BACE2: variants seen among roughly 807,000 people sequenced by gnomAD.
BACE2 encodes the protein 56 kDa aspartic-like protease.
Under a neutral mutation model 46.2 loss-of-function variants are expected in BACE2, and 17 were observed. The ratio of observed to expected loss-of-function variants is 0.37; its 90% CI spans 0.25 to 0.55. BACE2 has a LOEUF of 0.55. Ranked by LOEUF, BACE2 falls within the 20% of genes least tolerant of loss-of-function variation. The probability of loss-of-function intolerance (pLI) is 0.82; values close to 1 mark genes in which losing one functional copy is unlikely to be tolerated. For synonymous variants in BACE2, 277 were observed against 295.9 expected, an observed-to-expected ratio of 0.94 and a Z score of 0.66; for missense variants, 595 against 698.1, an observed-to-expected ratio of 0.85 and a Z score of 1.66.
chr21:41,213,640 G>A (rs541775238), intron 1 of BACE2, among the ~76,000 whole-genome samples: 1 of 152,120 alleles, frequency 6.6e-6, no homozygotes, highest in African/African-American at 2.4e-5. Context: ...CAGGCTTGGT[G>A]GTGGGTGCCT....
intron 1 of BACE2, chr21:41,225,439 A>G (rs774898062): frequency 6.6e-6 from 1 of 152,180 alleles, no homozygotes. Context: ...TCGTGAAGAG[A>G]AACAAAGGGC....
chr21:41,195,388 A>C (rs940262378), intron 1 of BACE2, among the ~76,000 whole-genome samples: 1 of 152,254 alleles, frequency 6.6e-6, no homozygotes, highest in Non-Finnish European at 1.5e-5. Flanking sequence ...GCAGTGGCTC[A>C]GAAGAACCCA....
intron 7 of BACE2, among the ~76,000 whole-genome samples, chr21:41,251,450 G>T (rs2123618750): frequency 6.6e-6 from 1 of 152,356 alleles, no homozygotes; most frequent in Non-Finnish European, 1.5e-5. Flanking sequence ...AAGACCTGGA[G>T]ACATTTTTGT....
At chr21:41,272,493 G>GT (rs1051197898) in intron 8 of BACE2, among the ~76,000 whole-genome samples, 2 of 149,282 alleles carry the variant, frequency 1.3e-5, no homozygotes, top group African/African-American at 4.9e-5. Context: ...TTTTTTTTCA[G>GT]TTTTTTCTCT....
At chr21:41,216,301 G>A (rs1986464115) in intron 1 of BACE2, among the ~76,000 whole-genome samples, 1 of 152,208 alleles carries the variant, frequency 6.6e-6, no homozygotes, top group Non-Finnish European at 1.5e-5. Flanking sequence ...GCCCTTGCCT[G>A]ACTCTGTGGC....
At chr21:41,234,773 G>T (rs1327450217) in intron 2 of BACE2, among the ~76,000 whole-genome samples, 1 of 152,194 alleles carries the variant, frequency 6.6e-6, no homozygotes, top group East Asian at 1.9e-4. Flanking sequence ...CTAACACTTG[G>T]CATTCCGCCA....
intron 8 of BACE2, among the ~76,000 whole-genome samples, chr21:41,271,722 C>T (rs1193048710): frequency 2.0e-5 from 3 of 152,174 alleles, no homozygotes; most frequent in Non-Finnish European, 4.4e-5. Context: ...TCTACCACTT[C>T]ATATAGTCTA....
Position 41,243,419 on chromosome 21 carries a change from G to T in BACE2, c.791G>T (p.Trp264Leu). 6.2e-7 allele frequency: 1 copy of T among 1,612,194 alleles called. No homozygotes were observed. The highest frequency in any genetic ancestry group is 8.5e-7 in the Non-Finnish European group (1 of 1,179,278). The change falls in exon 5 of 9, where the codon TGG (tryptophan) becomes TTG (leucine). Residue 264 changes from tryptophan (W) to leucine (L), a missense_variant. By Grantham distance (61) the Trp-to-Leu change is moderately conservative. Transcript: ENST00000330333. Reference sequence around the variant, plus strand: ...CCAAGTTTGTATAAAGGAGACATCTGGTATACCCCTATTAAGGAAGAGTGG... The same window carrying T: ...CCAAGTTTGTATAAAGGAGACATCTTGTATACCCCTATTAAGGAAGAGTGG... ...IEPSLYKGDIWYTPIKEEWYY... is the reference protein window; with the variant it reads ...IEPSLYKGDILYTPIKEEWYY...
chr21:41,188,654 A>T (rs1345215100), intron 1 of BACE2, among the ~76,000 whole-genome samples: 1 of 152,208 alleles, frequency 6.6e-6, no homozygotes, highest in Non-Finnish European at 1.5e-5. Context: ...TAAGGGCAGG[A>T]TTGCCTGAGC....
chr21:41,206,786 TAA>T (rs993181939), intron 1 of BACE2, among the ~76,000 whole-genome samples: 4 of 152,252 alleles, frequency 2.6e-5, no homozygotes, highest in African/African-American at 7.2e-5. Flanking sequence ...TGGTAAATTT[TAA>T]GTTATGTGTA....
chr21:41,273,767 A>G (rs1179507558), intron 8 of BACE2, among the ~76,000 whole-genome samples: 1 of 152,258 alleles, frequency 6.6e-6, no homozygotes, highest in Non-Finnish European at 1.5e-5. Flanking sequence ...TGATTGGGGA[A>G]GTGATAAATG....
intron 1 of BACE2, among the ~76,000 whole-genome samples, chr21:41,214,054 C>T (rs966730037): frequency 1.6e-4 from 24 of 152,274 alleles, no homozygotes; most frequent in African/African-American, 5.3e-4. Context: ...GCTCACTCAC[C>T]GTGAGCCAGC....
rs891413407 is a variant in BACE2, at chr21:41,278,093, TAAC to T, written c.*2473_*2475del. ...GGTTTGCTTGGAACAGGAAAGGAATTAACAACCCTTTGAGGGTGTCATTTTTAC... is the reference window on the plus strand; with the variant it reads ...GGTTTGCTTGGAACAGGAAAGGAATTAACCCTTTGAGGGTGTCATTTTTAC... On this transcript the variant is annotated 3_prime_UTR_variant, in exon 9 of 9. Coordinates refer to ENST00000330333, the MANE Select transcript of BACE2 (RefSeq NM_012105.5). 2 of 152,196 alleles carry T rather than the reference TAAC, an allele frequency of 1.3e-5. No homozygotes were observed. Among genetic ancestry groups the T allele is most frequent in the African/African-American group, 4.8e-5 (2 of 41,438 alleles). The allele number at this position is 152,196 out of a possible 1,614,324, so 9.4% of individuals were successfully genotyped here.
chr21:41,198,635 G>A (rs1422190044), intron 1 of BACE2, among the ~76,000 whole-genome samples: 1 of 152,162 alleles, frequency 6.6e-6, no homozygotes, highest in Non-Finnish European at 1.5e-5. Context: ...CTACTCTACG[G>A]GTGGCGTATT....
At chr21:41,244,894 T>G (rs562502372) in intron 5 of BACE2, among the ~76,000 whole-genome samples, 2 of 148,208 alleles carry the variant, frequency 1.3e-5, no homozygotes, top group African/African-American at 5.2e-5. Flanking sequence ...TGTGTGTGTA[T>G]GTGTGTGTGT....
intron 1 of BACE2, chr21:41,182,510 T>C (rs1476262068): frequency 6.0e-6 from 1 of 166,932 alleles, no homozygotes; most frequent in Non-Finnish European, 1.5e-5. Flanking sequence ...TTTGAACCTG[T>C]CCTAAATTCT....
chr21:41,257,607 G>T (rs372219763), intron 8 of BACE2, among the ~76,000 whole-genome samples: 2 of 152,192 alleles, frequency 1.3e-5, no homozygotes, highest in Non-Finnish European at 2.9e-5. Context: ...TGAAACCTTG[G>T]AGTTGAATTG....
intron 6 of BACE2, among the ~76,000 whole-genome samples, chr21:41,250,169 T>G (rs1394533253): frequency 6.6e-6 from 1 of 152,102 alleles, no homozygotes; most frequent in African/African-American, 2.4e-5. Context: ...CATGGTGGTG[T>G]TCTAGTGTTA....
rs76137689 is a variant in BACE2, at chr21:41,262,098, C to A, written c.1303+4772C>A. ...TTGCTAAATATCATGACTATGTAGA[C>A]CACATGCATATTTCCCCAGGTGTCC... On this transcript the variant is annotated intron_variant, in intron 8 of 8. Coordinates refer to ENST00000330333, the MANE Select transcript of BACE2 (RefSeq NM_012105.5). Among the ~76,000 whole-genome samples, 597 of 152,240 alleles carry A rather than the reference C, an allele frequency of 3.9e-3. 7 individuals are homozygous for A. The highest frequency in any genetic ancestry group is 0.014 in the African/African-American group (575 of 41,548).
Sources: allele counts gnomAD v4.1 joint callset (sites outside exome capture counted in the v4.1 genomes callset), GRCh38; gene constraint gnomAD v4.1.1; transcripts MANE v1.5; gene names NCBI Gene and HGNC (gene_info 2026-07-23, HGNC 2026-07-21).